Variants in ANAPC7 observed in about 807,000 individuals in gnomAD.
The protein encoded by ANAPC7 is anaphase-promoting complex subunit 7.
Under a neutral mutation model 63.3 loss-of-function variants are expected in ANAPC7, and 25 were observed. The observed-to-expected ratio is 0.39, with a 90% confidence interval of 0.29 to 0.55. The LOEUF (loss-of-function observed/expected upper bound fraction) is 0.55, where lower values mean the gene tolerates loss of function less well. ANAPC7 is among the 20% of genes least tolerant of loss of function. The probability of loss-of-function intolerance (pLI) is 0.57; values close to 1 mark genes in which losing one functional copy is unlikely to be tolerated. For synonymous variants in ANAPC7, 241 were observed against 251.7 expected (o/e 0.96, Z 0.40); for missense variants, 516 against 691.7 (o/e 0.75, Z 2.85).
chr12:110,387,255 C>CAGAGAGACAGAGAGAGAG (rs1882562726), intron 5 of ANAPC7: 4 of 40,238 alleles, frequency 9.9e-5, no homozygotes, highest in African/African-American at 4.2e-4. Context: ...GACAGAGAGA[C>CAGAGAGACAGAGAGAGAG]AGAGAGAGAG....
chr12:110,399,660 T>C (rs1466117197), intron 1 of ANAPC7, among the ~76,000 whole-genome samples: 1 of 151,890 alleles, frequency 6.6e-6, no homozygotes, highest in Non-Finnish European at 1.5e-5. Context: ...GTGCGGTGGC[T>C]TATGCCTATA....
At chr12:110,375,814 AC>A in intron 10 of ANAPC7, 1 of 1,165,974 alleles carries the variant, frequency 8.6e-7, no homozygotes. Context: ...GATGAGCTAT[AC>A]AAATGAACAC....
chr12:110,383,533 G>A (rs1882136267), intron 6 of ANAPC7, among the ~76,000 whole-genome samples: 1 of 152,126 alleles, frequency 6.6e-6, no homozygotes, highest in African/African-American at 2.4e-5. Flanking sequence ...GGGCCCAGGA[G>A]TTCAAGACCA....
intron 10 of ANAPC7, chr12:110,375,569 G>T (rs1475317911): frequency 1.2e-6 from 1 of 803,108 alleles, no homozygotes; most frequent in Non-Finnish European, 1.5e-6. Flanking sequence ...ACCCTCATTC[G>T]ATCATTTAAT....
intron 5 of ANAPC7, 74 bp downstream of exon 5, chr12:110,387,665 G>A: frequency 2.0e-6 from 3 of 1,511,284 alleles, no homozygotes; most frequent in Non-Finnish European, 1.8e-6. Context: ...TTTTCTTTTT[G>A]CTACTTCAGA....
At chr12:110,374,422 G>T in intron 10 of ANAPC7, 89 bp from the exon 11 acceptor site, 3 of 1,334,280 alleles carry the variant, frequency 2.2e-6, no homozygotes, top group South Asian at 1.4e-5. Context: ...GCAGTGAAAT[G>T]ACCACACAGT....
In ANAPC7 at chr12:110,377,477, C is replaced by G. The variant is rs1378802496; in HGVS notation, c.1273G>C (p.Glu425Gln). The change falls in exon 9 of 11, where the codon GAG (glutamate) becomes CAG (glutamine). Residue 425 changes from glutamate (E) to glutamine (Q), a missense_variant. By Grantham distance (29) the Glu-to-Gln change is conservative. Transcript: ENST00000455511. ...TVCLEDPVTQ[E>Q]KAKTLLDKAL... is the part of the protein sequence containing the mutation. Reference sequence around the variant, plus strand: ...TTATCTAATAATGTTTTGGCTTTCTCCTGTGTCACTGGGTCTTCAAGACAA... The same window carrying G: ...TTATCTAATAATGTTTTGGCTTTCTGCTGTGTCACTGGGTCTTCAAGACAA... 6.2e-7 allele frequency: 1 copy of G among 1,614,188 alleles called. No individual in the cohort carries two copies. The highest frequency in any genetic ancestry group is 1.3e-5 in the African/African-American group (1 of 75,050).
chr12:110,382,441 TAA>T (rs137996217), intron 7 of ANAPC7, among the ~76,000 whole-genome samples: 642 of 52,910 alleles, frequency 0.012, 13 homozygotes, highest in East Asian at 0.092. Context: ...ATTATCCTTT[TAA>T]AAAAAAAAAA....
At chr12:110,389,275 T>C (rs916119050) in intron 3 of ANAPC7, among the ~76,000 whole-genome samples, 2 of 152,150 alleles carry the variant, frequency 1.3e-5, no homozygotes, top group South Asian at 4.1e-4. Context: ...AACTTGATTC[T>C]TTCTTGATCT....
intron 3 of ANAPC7, among the ~76,000 whole-genome samples, chr12:110,389,400 A>G (rs1882909112): frequency 6.8e-6 from 1 of 146,160 alleles, no homozygotes; most frequent in East Asian, 1.9e-4. Flanking sequence ...AGACAGATAA[A>G]GAAGTATAAT....
intron 10 of ANAPC7, among the ~76,000 whole-genome samples, chr12:110,374,706 G>A (rs1881095371): frequency 6.6e-6 from 1 of 152,142 alleles, no homozygotes; most frequent in Non-Finnish European, 1.5e-5. Context: ...GGGTTTTAGA[G>A]CTACAGGGTT....
chr12:110,381,952 G>GAAAA lies in ANAPC7; in HGVS notation c.936-5_936-4insTTTT. The GAAAA allele has an allele frequency of 1.8e-6, 1 of 552,970 alleles. No homozygotes were observed. Among genetic ancestry groups the GAAAA allele is most frequent in the Non-Finnish European group, 2.3e-6 (1 of 427,896 alleles). 34.3% of individuals were successfully genotyped at this position (552,970 alleles called of 1,614,324 possible). A position where few individuals can be genotyped will look rare whatever the true frequency, so the allele number is the denominator to read the frequency against. On this transcript the variant is annotated splice_polypyrimidine_tract_variant and splice_region_variant and intron_variant, in intron 7 of 10. Transcript: ENST00000455511. ...TTTGCTATAGAAGCTGTGACAGCTGGAGAAAAAAAAAAAAAAAAAAACACA... is the reference window on the plus strand; with the variant it reads ...TTTGCTATAGAAGCTGTGACAGCTGGAAAAAGAAAAAAAAAAAAAAAAAAACACA...
chr12:110,381,708 C>G (rs138556976), intron 8 of ANAPC7, 44 bp downstream of exon 8: 23,364 of 1,586,318 alleles, frequency 0.015, 238 homozygotes, highest in Non-Finnish European at 0.017. Flanking sequence ...GGGCTGCTGC[C>G]ACACCCACGG....
chr12:110,375,962 C>G, intron 10 of ANAPC7, 104 bp downstream of exon 10: 1 of 1,410,852 alleles, frequency 7.1e-7, no homozygotes, highest in South Asian at 2.0e-5. Flanking sequence ...CTGCTTTCAA[C>G]CATGGACACA....
chr12:110,385,879 A>C (rs1279337699), intron 6 of ANAPC7, among the ~76,000 whole-genome samples: 5 of 152,136 alleles, frequency 3.3e-5, no homozygotes, highest in African/African-American at 1.2e-4. Context: ...CTTTTTCAAG[A>C]TCAGTGATTT....
intron 1 of ANAPC7, among the ~76,000 whole-genome samples, chr12:110,397,040 A>G (rs527915562): frequency 1.3e-5 from 2 of 150,070 alleles, no homozygotes; most frequent in African/African-American, 2.5e-5. Context: ...CATCTCTACT[A>G]AAAAATACAA....
chr12:110,389,107 A>G (rs1382727474), intron 3 of ANAPC7, among the ~76,000 whole-genome samples: 1 of 150,648 alleles, frequency 6.6e-6, no homozygotes, highest in Admixed American at 6.6e-5. Flanking sequence ...AAAAAAGAAA[A>G]GAAAAGAAAT....
intron 1 of ANAPC7, among the ~76,000 whole-genome samples, chr12:110,398,547 A>G (rs2062176641): frequency 6.6e-6 from 1 of 152,268 alleles, no homozygotes; most frequent in Non-Finnish European, 1.5e-5. Flanking sequence ...GTCAAGAATT[A>G]TAACTGCCTA....
intron 1 of ANAPC7, among the ~76,000 whole-genome samples, chr12:110,399,756 C>T (rs1359329318): frequency 6.7e-6 from 1 of 149,184 alleles, no homozygotes; most frequent in Non-Finnish European, 1.5e-5. Flanking sequence ...CACCACTGCA[C>T]TCCAGCCTGG....
Sources: allele counts gnomAD v4.1 joint callset (sites outside exome capture counted in the v4.1 genomes callset), GRCh38; gene constraint gnomAD v4.1.1; transcripts MANE v1.5; gene names NCBI Gene and HGNC (gene_info 2026-07-23, HGNC 2026-07-21).